The following ADAMTS17 variants were observed in gnomAD, a reference collection of about 807,000 sequenced individuals.
The protein encoded by ADAMTS17 is ADAM metallopeptidase with thrombospondin type 1 motif 17, also known as A disintegrin and metalloproteinase with thrombospondin motifs 17.
ADAMTS17 carries 113 observed loss-of-function variants against 141.5 expected under a neutral mutation model. The ratio of observed to expected loss-of-function variants is 0.80; its 90% confidence interval spans 0.69 to 0.93. ADAMTS17 has a LOEUF of 0.93. Among genes scored for constraint, ADAMTS17 ranks in the 40% least tolerant of loss-of-function variants. ADAMTS17 has a pLI of 0.00. For synonymous variants in ADAMTS17, 768 were observed against 630.6 expected, an observed-to-expected ratio of 1.22 and a Z score of -3.27; for missense variants, 1,659 against 1,517.9, an observed-to-expected ratio of 1.09 and a Z score of -1.54.
rs192750539 is a variant in ADAMTS17 at position 100,043,290 on chromosome 15, A to G, written c.2591+5567T>C. Reference sequence around the variant, plus strand: ...CAATTTCATTTTCTTCTCTGCTCTAAGTAATTCCACTCATTCTTTAAGTCT... The same window carrying G: ...CAATTTCATTTTCTTCTCTGCTCTAGGTAATTCCACTCATTCTTTAAGTCT... On this transcript the variant is annotated intron_variant, in intron 18 of 21. Transcript: ENST00000268070. Among the ~76,000 whole-genome samples, 4 of 152,326 alleles carry G rather than the reference A, an allele frequency of 2.6e-5. No individual in the cohort carries two copies. In the East Asian group the frequency reaches 7.7e-4, roughly 29 times the overall value.
At chr15:99,990,120 C>T (rs556064560) in intron 20 of ADAMTS17, among the ~76,000 whole-genome samples, 15 of 152,310 alleles carry the variant, frequency 9.8e-5, no homozygotes, top group Non-Finnish European at 1.8e-4. Context: ...ACTGTAGCTT[C>T]GACTTCCCTG....
At chr15:100,231,700 T>C (rs553473268) in intron 7 of ADAMTS17, among the ~76,000 whole-genome samples, 3 of 152,292 alleles carry the variant, frequency 2.0e-5, no homozygotes, top group Non-Finnish European at 4.4e-5. Flanking sequence ...AATCACCTAC[T>C]TGGCTGGTCA....
intron 8 of ADAMTS17, among the ~76,000 whole-genome samples, chr15:100,189,836 C>A (rs2040853380): frequency 6.6e-6 from 1 of 152,226 alleles, no homozygotes; most frequent in Admixed American, 6.5e-5. Flanking sequence ...AAAGCCGTGG[C>A]CAAGGTGTGG....
At chr15:100,020,231 C>T (rs1047268466) in intron 18 of ADAMTS17, among the ~76,000 whole-genome samples, 11 of 152,192 alleles carry the variant, frequency 7.2e-5, no homozygotes, top group African/African-American at 9.7e-5. Flanking sequence ...ATTCCACCCC[C>T]GCTGCTGCTC....
chr15:100,020,086 A>C (rs2061374699), intron 18 of ADAMTS17, among the ~76,000 whole-genome samples: 1 of 152,162 alleles, frequency 6.6e-6, no homozygotes, highest in African/African-American at 2.4e-5. Flanking sequence ...TAAACACCAA[A>C]GTCCTGAACC....
intron 8 of ADAMTS17, among the ~76,000 whole-genome samples, chr15:100,162,206 A>C (rs996227685): frequency 6.6e-6 from 1 of 151,978 alleles, no homozygotes; most frequent in African/African-American, 2.4e-5. Flanking sequence ...ACAAGCAAGT[A>C]CTCAATTCTT....
chr15:100,164,813 C>T (rs957875823), intron 8 of ADAMTS17, among the ~76,000 whole-genome samples: 6 of 152,176 alleles, frequency 3.9e-5, no homozygotes, highest in Non-Finnish European at 7.3e-5. Context: ...TGGTAAGACT[C>T]CTGGAGTAAA....
chr15:100,045,944 G>C (rs4965560), intron 18 of ADAMTS17, among the ~76,000 whole-genome samples: 1 of 151,806 alleles, frequency 6.6e-6, no homozygotes, highest in Non-Finnish European at 1.5e-5. Context: ...GCAGTGGTGT[G>C]ATCTCAGCTC....
intron 10 of ADAMTS17, among the ~76,000 whole-genome samples, chr15:100,140,452 GACAC>G (rs140696533): frequency 1.5e-5 from 2 of 131,912 alleles, no homozygotes; most frequent in Non-Finnish European, 3.3e-5. Context: ...CTAACTCCAA[GACAC>G]ACACACACAC....
chr15:100,149,323 TGA>T (rs1269373141), intron 10 of ADAMTS17, among the ~76,000 whole-genome samples: 9 of 152,232 alleles, frequency 5.9e-5, no homozygotes, highest in Admixed American at 5.9e-4. Context: ...CAAAAGAGCG[TGA>T]GTGTGTTGGA....
In ADAMTS17 at chr15:100,020,107, C is replaced by T. The variant is rs193099107; in HGVS notation, c.2592-22518G>A. Reference sequence around the variant, plus strand: ...CCAAAGTCCTGAACCAAGTAGGCTGCAGAAAACACCCAGGGGACGGATTAA... The same window carrying T: ...CCAAAGTCCTGAACCAAGTAGGCTGTAGAAAACACCCAGGGGACGGATTAA... On this transcript the variant is annotated intron_variant, in intron 18 of 21. Coordinates refer to ENST00000268070, the MANE Select transcript of ADAMTS17 (RefSeq NM_139057.4). Among the ~76,000 whole-genome samples the T allele has an allele frequency of 1.9e-3, 282 of 152,332 alleles. 1 individual carries two copies. The highest frequency in any genetic ancestry group is 6.4e-3 in the African/African-American group (267 of 41,576).
At chr15:100,211,389 G>C (rs1449780598) in intron 7 of ADAMTS17, among the ~76,000 whole-genome samples, 1 of 151,092 alleles carries the variant, frequency 6.6e-6, no homozygotes, top group Non-Finnish European at 1.5e-5. Context: ...GAAAATGATA[G>C]ACTGTTCAAT....
intron 15 of ADAMTS17, among the ~76,000 whole-genome samples, chr15:100,087,329 A>C (rs896754152): frequency 6.6e-6 from 1 of 152,218 alleles, no homozygotes; most frequent in African/African-American, 2.4e-5. Context: ...CAGGCTCAAA[A>C]ATTTAGGCAA....
chr15:100,305,893 T>TAAAC (rs2141835413), intron 3 of ADAMTS17: 1 of 152,408 alleles, frequency 6.6e-6, no homozygotes, highest in South Asian at 2.1e-4. Flanking sequence ...CATTGTACAT[T>TAAAC]TGAATATATT....
At chr15:100,129,818 T>A (rs1011092463) in intron 12 of ADAMTS17, 6 of 151,946 alleles carry the variant, frequency 3.9e-5, no homozygotes, top group African/African-American at 1.5e-4. Context: ...CTCTTCCCAC[T>A]CTACCATGTC....
chr15:100,258,304 T>C (rs1471642102), intron 6 of ADAMTS17, among the ~76,000 whole-genome samples: 1 of 152,220 alleles, frequency 6.6e-6, no homozygotes, highest in Non-Finnish European at 1.5e-5. Flanking sequence ...TGGTTTTCTA[T>C]TGTGGCTGTA....
chr15:100,321,558 A>G (rs556476117), intron 3 of ADAMTS17, among the ~76,000 whole-genome samples: 1 of 152,214 alleles, frequency 6.6e-6, no homozygotes, highest in African/African-American at 2.4e-5. Flanking sequence ...TGGCAATACT[A>G]ACGTTAGCTG....
At chr15:100,258,280 G>A (rs957673907) in intron 6 of ADAMTS17, among the ~76,000 whole-genome samples, 4 of 152,162 alleles carry the variant, frequency 2.6e-5, no homozygotes, top group South Asian at 2.1e-4. Context: ...TTGAGTTTTT[G>A]AGGTACCATC....
intron 18 of ADAMTS17, among the ~76,000 whole-genome samples, chr15:100,013,564 G>C (rs2061228378): frequency 6.6e-6 from 1 of 152,140 alleles, no homozygotes; most frequent in African/African-American, 2.4e-5. Flanking sequence ...TCCCTCGCAT[G>C]CCGGTTTTGC....
Sources: allele counts gnomAD v4.1 joint callset (sites outside exome capture counted in the v4.1 genomes callset), GRCh38; gene constraint gnomAD v4.1.1; transcripts MANE v1.5; gene names NCBI Gene and HGNC (gene_info 2026-07-23, HGNC 2026-07-21).